Variants in CELF4 observed in about 807,000 individuals in gnomAD.
CELF4 encodes the protein CUGBP Elav-like family member 4, also known as CUG-BP- and ETR-3-like factor 4.
In CELF4, 18 loss-of-function variants were observed where a neutral mutation model predicts 59.9. That is an observed-to-expected ratio of 0.30 (90% CI 0.21 to 0.45). The LOEUF is 0.45. CELF4 is among the 20% of genes least tolerant of loss of function. CELF4 has a pLI of 1.00. For synonymous variants in CELF4, 261 were observed against 267.1 expected, an observed-to-expected ratio of 0.98 and a Z score of 0.22; for missense variants, 456 against 689.0, an observed-to-expected ratio of 0.66 and a Z score of 3.79.
chr18:37,549,250 A>C (rs1359943672), intron 1 of CELF4, among the ~76,000 whole-genome samples: 1 of 152,254 alleles, frequency 6.6e-6, no homozygotes, highest in African/African-American at 2.4e-5. Flanking sequence ...CAGTATGACC[A>C]GGACCCTGGA....
chr18:37,485,440 C>A, intron 2 of CELF4, 85 bp downstream of exon 2: 1 of 813,500 alleles, frequency 1.2e-6, no homozygotes, highest in Non-Finnish European at 1.5e-6. Flanking sequence ...CCGTCCTCTC[C>A]CCGCGCGCCG....
At chr18:37,533,384 T>C (rs964677687) in intron 1 of CELF4, among the ~76,000 whole-genome samples, 2 of 152,104 alleles carry the variant, frequency 1.3e-5, no homozygotes, top group Non-Finnish European at 2.9e-5. Context: ...TAACATGGAG[T>C]CAATGTCTTG....
intron 1 of CELF4, among the ~76,000 whole-genome samples, chr18:37,494,312 C>G (rs1297913727): frequency 1.1e-4 from 16 of 152,216 alleles, no homozygotes; most frequent in Non-Finnish European, 1.5e-5. Flanking sequence ...CAGCAAAGAG[C>G]TCCTCCATCT....
At chr18:37,375,983 A>G (rs2098964451) in intron 2 of CELF4, among the ~76,000 whole-genome samples, 1 of 152,146 alleles carries the variant, frequency 6.6e-6, no homozygotes, top group Non-Finnish European at 1.5e-5. Context: ...CCTGTAACAA[A>G]TTATCCTAAC....
intron 2 of CELF4, among the ~76,000 whole-genome samples, chr18:37,475,006 C>A (rs149832187): frequency 2.1e-3 from 324 of 152,350 alleles, no homozygotes; most frequent in African/African-American, 7.2e-3. Context: ...TGCATGAATA[C>A]CCCAGTTCTC....
chr18:37,393,069 TAGAG>T (rs1393403069), intron 2 of CELF4, among the ~76,000 whole-genome samples: 6 of 41,836 alleles, frequency 1.4e-4, no homozygotes, highest in African/African-American at 6.2e-4. Flanking sequence ...TGCGGTGTGT[TAGAG>T]AGACACAGGG....
At chr18:37,450,644 A>G (rs541904355) in intron 2 of CELF4, among the ~76,000 whole-genome samples, 2 of 151,332 alleles carry the variant, frequency 1.3e-5, no homozygotes, top group Non-Finnish European at 2.9e-5. Context: ...TGCCCTCCCT[A>G]TCTTCCCGCT....
chr18:37,511,758 CA>C (rs1368503730), intron 1 of CELF4, among the ~76,000 whole-genome samples: 1 of 152,076 alleles, frequency 6.6e-6, no homozygotes, highest in Non-Finnish European at 1.5e-5. Flanking sequence ...CTTTTTCTTT[CA>C]TTCTTTCTTC....
intron 2 of CELF4, among the ~76,000 whole-genome samples, chr18:37,479,904 G>A (rs2099861559): frequency 6.6e-6 from 1 of 152,176 alleles, no homozygotes. Flanking sequence ...GAGAAGTCTG[G>A]ACACAGACAA....
In CELF4 at chr18:37,565,565, C is replaced by T; in HGVS notation, c.77G>A (p.Ser26Asn). 1 of 1,614,130 alleles carries T rather than the reference C, an allele frequency of 6.2e-7. No homozygotes were observed. The highest frequency in any genetic ancestry group is 8.5e-7 in the Non-Finnish European group (1 of 1,179,980). The change falls in exon 1 of 13, where the codon AGC becomes AAC. Residue 26 changes from serine to asparagine, a missense_variant. Around this residue, in one of 7 missense-constraint regions of CELF4, gnomAD observed 70 missense variants for 69.5 expected, o/e 1.01. Transcript: ENST00000420428. ...ASLSTNGLGS[S>N]PGSAGHMNGL... is the part of the protein sequence containing the mutation. ...GTTCATGTGCCCGGCACTGCCCGGG[C>T]TGCTGCCGAGCCCGTTGGTACTGAG...
At chr18:37,264,057 A>G (rs1395704674) in intron 10 of CELF4, among the ~76,000 whole-genome samples, 1 of 152,100 alleles carries the variant, frequency 6.6e-6, no homozygotes, top group East Asian at 1.9e-4. Context: ...CAATGCACAC[A>G]GCTATCAGAG....
chr18:37,327,268 A>C (rs984063877), intron 2 of CELF4, among the ~76,000 whole-genome samples: 2 of 152,120 alleles, frequency 1.3e-5, no homozygotes, highest in African/African-American at 4.8e-5. Flanking sequence ...TTTCCCGAGG[A>C]CCAGGGTGCA....
intron 1 of CELF4, among the ~76,000 whole-genome samples, 197 bp downstream of exon 1, chr18:37,565,159 C>T (rs11082011): frequency 0.53 from 80,747 of 151,964 alleles, 24,772 homozygotes; most frequent in East Asian, 0.68. Flanking sequence ...GCACCTCGCC[C>T]AAAACCCAGT....
intron 1 of CELF4, among the ~76,000 whole-genome samples, chr18:37,546,365 T>C (rs2099981420): frequency 6.6e-6 from 1 of 151,402 alleles, no homozygotes; most frequent in South Asian, 2.1e-4. Context: ...GCTCACTACA[T>C]ACTTGCACCC....
intron 1 of CELF4, among the ~76,000 whole-genome samples, chr18:37,516,987 G>A (rs936281315): frequency 2.0e-5 from 3 of 152,226 alleles, no homozygotes; most frequent in Non-Finnish European, 4.4e-5. Flanking sequence ...GAGAGGCTGC[G>A]GGACCGTGCC....
At chr18:37,343,445 C>A (rs1351592125) in intron 2 of CELF4, among the ~76,000 whole-genome samples, 3 of 150,928 alleles carry the variant, frequency 2.0e-5, no homozygotes, top group African/African-American at 4.9e-5. Context: ...ATCCTGAAAT[C>A]TTAGAGGGCG....
chr18:37,284,662 C>T (rs948777616), intron 3 of CELF4, among the ~76,000 whole-genome samples: 4 of 152,240 alleles, frequency 2.6e-5, no homozygotes, highest in Non-Finnish European at 5.9e-5. Flanking sequence ...GCTTGAGATG[C>T]CCTGCCCATG....
At chr18:37,397,943 T>C (rs1180145113) in intron 2 of CELF4, among the ~76,000 whole-genome samples, 1 of 152,156 alleles carries the variant, frequency 6.6e-6, no homozygotes, top group East Asian at 1.9e-4. Flanking sequence ...TCTCTGCTCT[T>C]TCCAGCAGGG....
chr18:37,306,922 C>G (rs1364955920), intron 3 of CELF4, among the ~76,000 whole-genome samples: 1 of 152,216 alleles, frequency 6.6e-6, no homozygotes, highest in East Asian at 1.9e-4. Context: ...CTTGACAGGA[C>G]AGCATCGCTT....
Sources: gnomAD v4.1 joint callset for allele counts (sites outside exome capture counted in the v4.1 genomes callset) on GRCh38, gnomAD v4.1.1 for gene constraint, gnomAD v4.1.1 regional missense constraint, MANE v1.5 for transcripts, NCBI Gene and HGNC (gene_info 2026-07-23, HGNC 2026-07-21) for gene names.